Variants in NXPE2 observed in about 807,000 individuals in gnomAD.
The protein encoded by NXPE2 is NXPE family member 2.
Under a neutral mutation model 34.4 loss-of-function variants are expected in NXPE2, and 34 were observed. The ratio of observed to expected loss-of-function variants is 0.99; its 90% CI spans 0.75 to 1.31. NXPE2 has a LOEUF of 1.31. Among genes scored for constraint, NXPE2 ranks in the 40% most tolerant of loss-of-function variants. NXPE2 has a pLI of 0.00. For synonymous variants in NXPE2, 235 were observed against 231.3 expected (o/e 1.02, Z -0.15); for missense variants, 649 against 672.5 (o/e 0.97, Z 0.39).
the NXPE2 span, among the ~76,000 whole-genome samples, chr11:114,469,953 T>C: frequency 6.6e-6 from 1 of 152,226 alleles, no homozygotes; most frequent in African/African-American, 2.4e-5. Flanking sequence ...CAGCATATAC[T>C]CTTGTTTTGT....
the NXPE2 span, chr11:114,531,045 A>G: frequency 1.1e-6 from 1 of 878,500 alleles, no homozygotes; most frequent in Non-Finnish European, 1.6e-6. Context: ...ATATTTGGTA[A>G]TAAAGTGGCA....
chr11:114,636,353 T>G, the NXPE2 span, among the ~76,000 whole-genome samples: 8 of 149,430 alleles, frequency 5.4e-5, no homozygotes, highest in South Asian at 1.7e-3. Context: ...TTCTTCTCTC[T>G]TTTTTTCTTT....
At chr11:114,602,276 C>T in the NXPE2 span, among the ~76,000 whole-genome samples, 5 of 113,780 alleles carry the variant, frequency 4.4e-5, no homozygotes, top group South Asian at 1.3e-3. Flanking sequence ...ATATATTATA[C>T]TATATATATG....
At chr11:114,564,366 G>C in the NXPE2 span, among the ~76,000 whole-genome samples, 2 of 152,114 alleles carry the variant, frequency 1.3e-5, no homozygotes, top group South Asian at 4.2e-4. Flanking sequence ...AGTGTACACT[G>C]CTCAGGTGAT....
the NXPE2 span, among the ~76,000 whole-genome samples, chr11:114,562,987 A>C: frequency 6.6e-6 from 1 of 152,196 alleles, no homozygotes; most frequent in African/African-American, 2.4e-5. Context: ...ACAGAAAAAA[A>C]CCAACAACTC....
At chr11:114,762,258 G>A in the NXPE2 span, among the ~76,000 whole-genome samples, 65,113 of 151,926 alleles carry the variant, frequency 0.43, 14,429 homozygotes, top group East Asian at 0.49. Context: ...CTTGTCCCGG[G>A]GCTTGTCAGT....
chr11:114,497,624 G>A, the NXPE2 span, among the ~76,000 whole-genome samples: 5 of 152,202 alleles, frequency 3.3e-5, no homozygotes, highest in South Asian at 4.1e-4. Flanking sequence ...TAGCCTAGGT[G>A]TGTGGTAGGC....
chr11:114,636,049 C>T, the NXPE2 span, among the ~76,000 whole-genome samples: 1 of 151,624 alleles, frequency 6.6e-6, no homozygotes, highest in Admixed American at 6.6e-5. Flanking sequence ...GGTACCAGTT[C>T]CTCCTTGTAC....
At chr11:114,716,122 T>C in the NXPE2 span, among the ~76,000 whole-genome samples, 1 of 152,232 alleles carries the variant, frequency 6.6e-6, no homozygotes, top group South Asian at 2.1e-4. Flanking sequence ...ATTCATCCTG[T>C]CCATGTACCC....
chr11:114,807,076 A>G, the NXPE2 span, among the ~76,000 whole-genome samples: 1 of 151,848 alleles, frequency 6.6e-6, no homozygotes. Flanking sequence ...CCAGAATTTC[A>G]TATCCAACCA....
the NXPE2 span, among the ~76,000 whole-genome samples, chr11:114,605,742 A>T: frequency 6.6e-6 from 1 of 151,812 alleles, no homozygotes; most frequent in Non-Finnish European, 1.5e-5. Flanking sequence ...CCCAGTGGAT[A>T]ATAAGTATTG....
the NXPE2 span, among the ~76,000 whole-genome samples, chr11:114,644,299 G>A: frequency 6.6e-6 from 1 of 152,162 alleles, no homozygotes; most frequent in Non-Finnish European, 1.5e-5. Flanking sequence ...ACGTTGAATA[G>A]GAGTGGTAAG....
the NXPE2 span, among the ~76,000 whole-genome samples, chr11:114,555,595 A>G: frequency 3.3e-5 from 5 of 152,282 alleles, no homozygotes; most frequent in East Asian, 9.6e-4. Flanking sequence ...TACCCATCAC[A>G]ATCAATAAGT....
At chr11:114,704,108 T>C (rs760128794) in intron 4 of NXPE2, 56 bp downstream of exon 4, 1 of 1,244,472 alleles carries the variant, frequency 8.0e-7, no homozygotes, top group East Asian at 2.5e-5. Context: ...GGAAAGGACA[T>C]GCTTACTTAG....
the NXPE2 span, among the ~76,000 whole-genome samples, chr11:114,730,494 T>C: frequency 6.6e-6 from 1 of 152,208 alleles, no homozygotes; most frequent in East Asian, 1.9e-4. Flanking sequence ...CTTTGGGCAG[T>C]ATGGCCATTT....
chr11:114,485,321 G>A, the NXPE2 span, among the ~76,000 whole-genome samples: 1 of 150,188 alleles, frequency 6.7e-6, no homozygotes, highest in African/African-American at 2.5e-5. Context: ...CAATTCTCCT[G>A]CCTCAGCTTC....
At chr11:114,582,811 T>C in the NXPE2 span, 1 of 1,614,146 alleles carries the variant, frequency 6.2e-7, no homozygotes, top group Middle Eastern at 1.6e-4. Flanking sequence ...TTGAGGATGG[T>C]GGCTGTGCTA....
the NXPE2 span, among the ~76,000 whole-genome samples, chr11:114,591,517 G>A: frequency 1.3e-5 from 2 of 152,200 alleles, no homozygotes; most frequent in Middle Eastern, 6.8e-3. Context: ...AAAGCCTCAT[G>A]ACATCAACTT....
the NXPE2 span, among the ~76,000 whole-genome samples, chr11:114,669,305 T>C: frequency 6.6e-6 from 1 of 152,110 alleles, no homozygotes; most frequent in African/African-American, 2.4e-5. Context: ...AGACTGGAAA[T>C]TGAGCCACAA....
Sources: allele counts gnomAD v4.1 joint callset (sites outside exome capture counted in the v4.1 genomes callset), GRCh38; gene constraint gnomAD v4.1.1; transcripts MANE v1.5; gene names NCBI Gene and HGNC (gene_info 2026-07-23, HGNC 2026-07-21).